The following STXBP6 variants were observed in gnomAD, a reference collection of about 807,000 sequenced individuals.
STXBP6 encodes syntaxin-binding protein 6.
Under a neutral mutation model 26.9 loss-of-function variants are expected in STXBP6, and 21 were observed. That is an observed-to-expected ratio of 0.78 (90% CI 0.55 to 1.12). STXBP6 has a LOEUF of 1.12. Ranked by LOEUF, STXBP6 falls within the 50% of genes most tolerant of loss-of-function variation. The pLI is 0.00. For synonymous variants in STXBP6, 97 were observed against 92.6 expected (o/e 1.05, Z -0.27); for missense variants, 232 against 257.9 (o/e 0.90, Z 0.69).
intron 4 of STXBP6, among the ~76,000 whole-genome samples, chr14:24,819,693 C>T (rs758429450): frequency 1.3e-5 from 2 of 152,164 alleles, no homozygotes; most frequent in Non-Finnish European, 2.9e-5. Context: ...TCCAATGCTT[C>T]TTCTTCATTT....
intron 2 of STXBP6, among the ~76,000 whole-genome samples, chr14:24,882,397 A>G (rs1206882010): frequency 1.4e-5 from 2 of 142,836 alleles, no homozygotes; most frequent in Non-Finnish European, 3.1e-5. Flanking sequence ...AAAAAAAAAA[A>G]AAAAAAAAAA....
intron 2 of STXBP6, among the ~76,000 whole-genome samples, chr14:24,921,217 T>A (rs1338133792): frequency 6.6e-6 from 1 of 152,150 alleles, no homozygotes; most frequent in African/African-American, 2.4e-5. Context: ...TACAATGTAG[T>A]ACATACAAAT....
At chr14:24,880,471 C>G (rs2070318118) in intron 2 of STXBP6, among the ~76,000 whole-genome samples, 1 of 152,088 alleles carries the variant, frequency 6.6e-6, no homozygotes, top group African/African-American at 2.4e-5. Context: ...AGAGGAAGAT[C>G]CTCTGAAGGA....
chr14:24,814,592 C>T lies in STXBP6; in HGVS notation c.610-1860G>A, dbSNP rs141723478. 2.6e-5 allele frequency among the ~76,000 whole-genome samples: 4 copies of T among 152,338 alleles called. No homozygotes were observed. In the East Asian group the frequency reaches 7.7e-4, roughly 29 times the overall value. On this transcript the variant is annotated intron_variant, in intron 5 of 5. Coordinates refer to ENST00000323944, the MANE Select transcript of STXBP6 (RefSeq NM_001394410.1). Reference sequence around the variant, plus strand: ...CTGGAATGGAGCTAAGGGGAGCCCCCGGGCCACGACCAGCTAAGATTTGCA... The same window carrying T: ...CTGGAATGGAGCTAAGGGGAGCCCCTGGGCCACGACCAGCTAAGATTTGCA...
intron 1 of STXBP6, among the ~76,000 whole-genome samples, chr14:25,045,769 A>G (rs2075717581): frequency 6.6e-6 from 1 of 151,602 alleles, no homozygotes; most frequent in South Asian, 2.1e-4. Flanking sequence ...ACATCCAGCT[A>G]ATTTGTTTTT....
chr14:24,934,954 A>G (rs965166796), intron 2 of STXBP6, among the ~76,000 whole-genome samples: 2 of 152,180 alleles, frequency 1.3e-5, no homozygotes, highest in Non-Finnish European at 2.9e-5. Context: ...GATTTACTTT[A>G]CATTTATAAC....
chr14:24,936,371 G>A (rs1011889640), intron 2 of STXBP6, among the ~76,000 whole-genome samples: 2 of 152,212 alleles, frequency 1.3e-5, no homozygotes, highest in Non-Finnish European at 2.9e-5. Flanking sequence ...TTTGGATGCT[G>A]AGTAATGCCA....
chr14:24,967,871 C>T (rs2073782814), intron 2 of STXBP6, among the ~76,000 whole-genome samples: 2 of 152,104 alleles, frequency 1.3e-5, no homozygotes, highest in Admixed American at 6.6e-5. Flanking sequence ...CACCACACCC[C>T]TCCCAAGTGA....
intron 2 of STXBP6, among the ~76,000 whole-genome samples, chr14:24,899,367 A>G (rs189078377): frequency 1.3e-5 from 2 of 152,352 alleles, no homozygotes; most frequent in Admixed American, 6.5e-5. Flanking sequence ...CAAACTTTTC[A>G]GAGAAATTAT....
At chr14:24,882,176 G>A (rs1259527150) in intron 2 of STXBP6, among the ~76,000 whole-genome samples, 6 of 151,066 alleles carry the variant, frequency 4.0e-5, no homozygotes, top group African/African-American at 9.7e-5. Flanking sequence ...TCAGGAGATC[G>A]CGACCATCCC....
At chr14:24,985,961 T>C (rs1319035981) in intron 1 of STXBP6, among the ~76,000 whole-genome samples, 1 of 152,220 alleles carries the variant, frequency 6.6e-6, no homozygotes, top group Non-Finnish European at 1.5e-5. Context: ...ATATTAGGGC[T>C]AAATATTGCT....
At chr14:24,827,230 A>C (rs1017395907) in intron 4 of STXBP6, among the ~76,000 whole-genome samples, 1 of 152,160 alleles carries the variant, frequency 6.6e-6, no homozygotes, top group African/African-American at 2.4e-5. Context: ...CAAACAAAAA[A>C]AAGTACTTAT....
chr14:24,812,510 T>G lies in STXBP6; in HGVS notation c.*199A>C, dbSNP rs1226540110. 1.7e-6 allele frequency: 1 copy of G among 597,272 alleles called. No individual in the cohort carries two copies. The highest frequency in any genetic ancestry group is 1.9e-5 in the African/African-American group (1 of 53,740). The allele number at this position is 597,272 out of a possible 1,614,324, so 37.0% of individuals were successfully genotyped here. ...ATGAAGCTGATGCTATTGTAGCATT[T>G]ATTAGCAAGATCATTAGGGAAATGT... On this transcript the variant is annotated 3_prime_UTR_variant, in exon 6 of 6. Transcript: ENST00000323944.
chr14:24,857,854 C>T (rs1457158047), intron 2 of STXBP6, among the ~76,000 whole-genome samples: 1 of 151,996 alleles, frequency 6.6e-6, no homozygotes, highest in Non-Finnish European at 1.5e-5. Context: ...AGCATCACCT[C>T]TCAGACTGAA....
At position 24,810,900 on chromosome 14, in the gene STXBP6, T is replaced by TGTGTGC. The variant is rs1474648802; in HGVS notation, c.*1808_*1809insGCACAC. ...GTGTGTGTGTGTGTGTGTGTGTGTG[T>TGTGTGC]GCATTCTGAACTGAGATCTGCAAAC... On this transcript the variant is annotated 3_prime_UTR_variant, in exon 6 of 6. Coordinates refer to ENST00000323944, the MANE Select transcript of STXBP6 (RefSeq NM_001394410.1). 1 of 152,096 alleles carries TGTGTGC rather than the reference T, an allele frequency of 6.6e-6. No individual in the cohort carries two copies. The highest frequency in any genetic ancestry group is 2.4e-5 in the African/African-American group (1 of 41,322). The allele number at this position is 152,096 out of a possible 1,614,324, so 9.4% of individuals were successfully genotyped here.
chr14:24,814,584 G>A (rs986238993), intron 5 of STXBP6, among the ~76,000 whole-genome samples: 1 of 152,212 alleles, frequency 6.6e-6, no homozygotes, highest in Non-Finnish European at 1.5e-5. Context: ...GGAGCTAAGG[G>A]GAGCCCCCGG....
chr14:24,819,395 G>C (rs909787409), intron 4 of STXBP6: 2 of 630,308 alleles, frequency 3.2e-6, no homozygotes, highest in African/African-American at 1.8e-5. Flanking sequence ...ACTGACTGCA[G>C]GACCTAGGAA....
intron 2 of STXBP6, among the ~76,000 whole-genome samples, chr14:24,880,829 A>C (rs913345187): frequency 9.9e-5 from 15 of 152,218 alleles, no homozygotes; most frequent in African/African-American, 3.6e-4. Context: ...CAGGGACTTT[A>C]GAGGGCAGAG....
intron 1 of STXBP6, among the ~76,000 whole-genome samples, chr14:25,016,378 A>T (rs2075147825): frequency 6.6e-6 from 1 of 152,190 alleles, no homozygotes; most frequent in South Asian, 2.1e-4. Context: ...GCTAATCAGA[A>T]ATGGTACCAG....
Sources: gnomAD v4.1 joint callset for allele counts (sites outside exome capture counted in the v4.1 genomes callset) on GRCh38, gnomAD v4.1.1 for gene constraint, MANE v1.5 for transcripts, NCBI Gene and HGNC (gene_info 2026-07-23, HGNC 2026-07-21) for gene names.